The following OXR1 variants were observed in gnomAD, a reference collection of about 807,000 sequenced individuals.
OXR1 encodes the protein oxidation resistance protein 1.
In OXR1, 41 loss-of-function variants were observed where a neutral mutation model predicts 104.6. That is an observed-to-expected ratio of 0.39 (90% CI 0.31 to 0.51). OXR1 has a LOEUF of 0.51. Among genes scored for constraint, OXR1 ranks in the 20% least tolerant of loss-of-function variants. The pLI is 0.77. For missense variants in OXR1, 955 were observed against 1,031.9 expected (o/e 0.93, Z 1.02); for synonymous variants, 348 against 348.4 (o/e 1.00, Z 0.01).
At chr8:106,604,238 T>A (rs1330085216) in intron 3 of OXR1, among the ~76,000 whole-genome samples, 1 of 152,172 alleles carries the variant, frequency 6.6e-6, no homozygotes, top group Non-Finnish European at 1.5e-5. Flanking sequence ...AAACACCTTT[T>A]AAAAATGTGT....
At chr8:106,563,366 A>G (rs1395794846) in intron 3 of OXR1, among the ~76,000 whole-genome samples, 1 of 152,134 alleles carries the variant, frequency 6.6e-6, no homozygotes, top group African/African-American at 2.4e-5. Flanking sequence ...CAGAGTTTAA[A>G]CCAACAGAGA....
intron 8 of OXR1, among the ~76,000 whole-genome samples, chr8:106,704,841 T>G (rs1830989598): frequency 6.6e-6 from 1 of 152,126 alleles, no homozygotes; most frequent in Non-Finnish European, 1.5e-5. Flanking sequence ...GTCACCTGGA[T>G]TTAAATATTT....
intron 3 of OXR1, among the ~76,000 whole-genome samples, chr8:106,590,232 C>T (rs1448975189): frequency 1.3e-5 from 2 of 152,114 alleles, no homozygotes; most frequent in Non-Finnish European, 2.9e-5. Context: ...TTATTCTTTC[C>T]CCATTTCCAT....
intron 2 of OXR1, among the ~76,000 whole-genome samples, chr8:106,379,775 TCATGTGATC>T (rs1037427499): frequency 6.6e-6 from 1 of 152,044 alleles, no homozygotes; most frequent in African/African-American, 2.4e-5. Context: ...ACTCCTGGCC[TCATGTGATC>T]CATCTGCCTT....
chr8:106,692,870 GT>G lies in OXR1; in HGVS notation c.669del (p.Ser223ArgfsTer11). 6.3e-7 allele frequency: 1 copy of G among 1,597,048 alleles called. No individual in the cohort carries two copies. The highest frequency in any genetic ancestry group is 8.6e-7 in the Non-Finnish European group (1 of 1,169,410). The stretch of plus-strand genomic sequence containing the variant: ...AAAATTAATTGCAAATATATTACCA[GT>G]GGCAAGGTAAAGAATGACACTTTAG... ...FLKINCKYIT[S>X]GKGTVSGVLL... On this transcript the variant is annotated frameshift_variant, in exon 7 of 17. Coordinates refer to ENST00000517566, the MANE Select transcript of OXR1 (RefSeq NM_001198533.2). LOFTEE classifies it high-confidence loss of function.
chr8:106,669,366 A>G (rs1826687227), intron 3 of OXR1, among the ~76,000 whole-genome samples: 1 of 152,140 alleles, frequency 6.6e-6, no homozygotes, highest in African/African-American at 2.4e-5. Flanking sequence ...AATTCAACTG[A>G]AAAGAAGCAG....
intron 4 of OXR1, among the ~76,000 whole-genome samples, chr8:106,681,558 T>C (rs868634580): frequency 6.6e-6 from 1 of 152,296 alleles, no homozygotes; most frequent in Admixed American, 6.5e-5. Context: ...AGGGTCTTGC[T>C]TTGTCGCCCA....
chr8:106,514,182 A>G (rs1422424564), intron 2 of OXR1, among the ~76,000 whole-genome samples: 1 of 152,060 alleles, frequency 6.6e-6, no homozygotes, highest in Non-Finnish European at 1.5e-5. Context: ...TTTATTATCA[A>G]ATAGGGTACT....
In OXR1 at chr8:106,710,655, G is replaced by A. The variant is rs761400977; in HGVS notation, c.1658G>A (p.Arg553Gln). 13 of 1,590,952 alleles carry A rather than the reference G, an allele frequency of 8.2e-6. No individual in the cohort carries two copies. Among genetic ancestry groups the A allele is most frequent in the Admixed American group, 3.6e-5 (2 of 56,276 alleles). Residue 553 changes from arginine (R) to glutamine (Q), a missense_variant, in exon 10 of 17, where the codon CGA becomes CAA. Transcript: ENST00000517566. ...CTTTTAAAAGAAAAGCAAAGGCATC[G>A]ATTACATAAGTTCTTGTGTCTCAGA... ...SALLKEKQRH[R>Q]LHKFLCLRVG... is the part of the protein sequence containing the mutation.
At chr8:106,326,558 T>A (rs1330793073) in intron 1 of OXR1, among the ~76,000 whole-genome samples, 1 of 152,228 alleles carries the variant, frequency 6.6e-6, no homozygotes, top group Non-Finnish European at 1.5e-5. Flanking sequence ...GCCAGAGATG[T>A]TTCAGCTTTG....
At chr8:106,381,397 T>C (rs982724266) in intron 2 of OXR1, among the ~76,000 whole-genome samples, 8 of 152,082 alleles carry the variant, frequency 5.3e-5, no homozygotes, top group African/African-American at 1.9e-4. Context: ...GTCAAATCTT[T>C]GAAAGATTTG....
chr8:106,659,723 C>A (rs1279159282), intron 3 of OXR1, among the ~76,000 whole-genome samples: 2 of 152,192 alleles, frequency 1.3e-5, no homozygotes, highest in Admixed American at 1.3e-4. Flanking sequence ...CATTCGGTGG[C>A]CCGTGTCTGT....
chr8:106,670,483 C>A (rs1194253664), intron 3 of OXR1, among the ~76,000 whole-genome samples: 2 of 152,138 alleles, frequency 1.3e-5, no homozygotes, highest in African/African-American at 4.8e-5. Flanking sequence ...CCCACGGTAA[C>A]TCTAGATATT....
At chr8:106,394,650 T>A (rs186539297) in intron 2 of OXR1, among the ~76,000 whole-genome samples, 1 of 152,228 alleles carries the variant, frequency 6.6e-6, no homozygotes, top group African/African-American at 2.4e-5. Context: ...CTCTTAAATA[T>A]ATTTTGTCAA....
intron 2 of OXR1, among the ~76,000 whole-genome samples, chr8:106,475,191 A>G (rs1358691715): frequency 6.6e-6 from 1 of 151,912 alleles, no homozygotes; most frequent in African/African-American, 2.4e-5. Flanking sequence ...CTTAACTAAT[A>G]GCCTACTGCT....
intron 3 of OXR1, among the ~76,000 whole-genome samples, chr8:106,664,220 C>T (rs1453293081): frequency 6.6e-6 from 1 of 152,162 alleles, no homozygotes; most frequent in Non-Finnish European, 1.5e-5. Context: ...TCTGTATTAT[C>T]TATGTTGTAG....
Position 106,703,728 on chromosome 8 carries a change from G to C in OXR1, c.860+638G>C, listed in dbSNP as rs568693229. Among the ~76,000 whole-genome samples the C allele has an allele frequency of 3.2e-4, 49 of 152,016 alleles. No homozygotes were observed. In the South Asian group the frequency reaches 9.3e-3, roughly 29 times the overall value. ...TTTGAAAGTAATATGCTTGTCCAAA[G>C]TAATGGCCAGAAAGAAAAGGAGGAA... On this transcript the variant is annotated intron_variant, in intron 8 of 16. Transcript: ENST00000517566.
intron 3 of OXR1, among the ~76,000 whole-genome samples, chr8:106,664,789 G>A (rs1826109527): frequency 6.6e-6 from 1 of 152,124 alleles, no homozygotes; most frequent in Non-Finnish European, 1.5e-5. Flanking sequence ...CTTGTTAGAA[G>A]CAATGTGTTT....
intron 7 of OXR1, chr8:106,697,639 A>G (rs143451027): frequency 4.6e-4 from 743 of 1,613,932 alleles, no homozygotes; most frequent in Non-Finnish European, 6.0e-4. Context: ...CGTCCGCTGC[A>G]CACAGGCCAT....
Sources: allele counts gnomAD v4.1 joint callset (sites outside exome capture counted in the v4.1 genomes callset), GRCh38; gene constraint gnomAD v4.1.1; transcripts MANE v1.5; gene names NCBI Gene and HGNC (gene_info 2026-07-23, HGNC 2026-07-21).